The following ADH7 variants were observed in gnomAD, a reference collection of about 807,000 sequenced individuals.
ADH7 encodes the protein all-trans-retinol dehydrogenase [NAD(+)] ADH7.
Under a neutral mutation model 34.4 loss-of-function variants are expected in ADH7, and 41 were observed. The observed-to-expected ratio is 1.19, with a 90% CI of 0.93 to 1.55. The LOEUF is 1.55. Among genes scored for constraint, ADH7 ranks in the 40% most tolerant of loss-of-function variants. The pLI is 0.00. For missense variants in ADH7, 540 were observed against 461.2 expected (o/e 1.17, Z -1.56); for synonymous variants, 180 against 160.9 (o/e 1.12, Z -0.90).
intron 6 of ADH7, 49 bp from the exon 7 acceptor site, chr4:99,419,170 G>A: frequency 6.3e-7 from 1 of 1,587,950 alleles, no homozygotes; most frequent in Non-Finnish European, 8.6e-7. Flanking sequence ...CTCTTACAGT[G>A]TGACATAAGC....
intron 1 of ADH7, among the ~76,000 whole-genome samples, chr4:99,430,652 C>A (rs1721918618): frequency 6.6e-6 from 1 of 152,094 alleles, no homozygotes; most frequent in African/African-American, 2.4e-5. Context: ...GGCTGAAAGC[C>A]ATCAGTAGCT....
At chr4:99,421,969 T>C (rs1268495150) in intron 5 of ADH7, among the ~76,000 whole-genome samples, 1 of 152,210 alleles carries the variant, frequency 6.6e-6, no homozygotes, top group Non-Finnish European at 1.5e-5. Flanking sequence ...CTCATGCCAG[T>C]CAGAATGGCG....
At position 99,412,910 on chromosome 4, in the gene ADH7, T is replaced by G. The variant is rs1213893254; in HGVS notation, c.*238A>C. 2 of 425,970 alleles carry G rather than the reference T, an allele frequency of 4.7e-6. No homozygotes were observed. The highest frequency in any genetic ancestry group is 7.7e-5 in the East Asian group (2 of 26,096). 26.4% of individuals were successfully genotyped at this position (425,970 alleles called of 1,614,324 possible). A position where few individuals can be genotyped will look rare whatever the true frequency, so the allele number is the denominator to read the frequency against. ...TATGTTTTCTTAAAAGATACAATTA[T>G]AGCCTTACAAAATGTAAATCAAAAA... On this transcript the variant is annotated 3_prime_UTR_variant, in exon 9 of 9. Coordinates refer to ENST00000437033, the MANE Select transcript of ADH7 (RefSeq NM_000673.7).
Position 99,435,203 on chromosome 4 carries a change from A to G in ADH7, c.18+13T>C. The G allele has an allele frequency of 1.9e-6, 3 of 1,612,644 alleles. No individual in the cohort carries two copies. The highest frequency in any genetic ancestry group is 2.5e-6 in the Non-Finnish European group (3 of 1,179,428). ...AGGTCATGATGAGGAGGGGACAGAA[A>G]TGTTCCACTTACTTTTCCAGCAGTG... On this transcript the variant is annotated intron_variant, in intron 1 of 8. Transcript: ENST00000437033.
At chr4:99,420,902 T>C in intron 5 of ADH7, 109 bp from the exon 6 acceptor site, 2 of 983,684 alleles carry the variant, frequency 2.0e-6, no homozygotes, top group Non-Finnish European at 3.0e-6. Flanking sequence ...CCATTCACAA[T>C]TGCTACAAAG....
chr4:99,433,183 T>C (rs1031195382), intron 1 of ADH7, among the ~76,000 whole-genome samples: 1 of 152,104 alleles, frequency 6.6e-6, no homozygotes, highest in Non-Finnish European at 1.5e-5. Context: ...GAAAAACCTC[T>C]CTATATAGCA....
intron 1 of ADH7, chr4:99,432,827 C>G (rs931938800): frequency 2.0e-5 from 3 of 152,060 alleles, no homozygotes; most frequent in African/African-American, 7.2e-5. Flanking sequence ...CTGTGCCTAT[C>G]AAGTCTGTAA....
At position 99,420,536 on chromosome 4, in the gene ADH7, G is replaced by A. The variant is rs1292416381; in HGVS notation, c.822C>T (p.Thr274=). 2.7e-5 allele frequency: 43 copies of A among 1,611,926 alleles called. No homozygotes were observed. Among genetic ancestry groups the A allele is most frequent in the Non-Finnish European group, 3.4e-5 (40 of 1,178,416 alleles). The change falls in exon 6 of 9, where the codon ACC becomes ACT. Residue 274 remains threonine (T), a synonymous_variant. Transcript: ENST00000437033. ...CTTCTCAAATTTTGGGTCTTACCATGGTTTCAAGATGCCCAATAACTTCAA... is the reference window on the plus strand; with the variant it reads ...CTTCTCAAATTTTGGGTCTTACCATAGTTTCAAGATGCCCAATAACTTCAA... ...YTFEVIGHLE[T]MIDALASCHM... is the part of the protein sequence containing the mutation.
At chr4:99,431,832 T>C (rs1721942977) in intron 1 of ADH7, among the ~76,000 whole-genome samples, 1 of 151,970 alleles carries the variant, frequency 6.6e-6, no homozygotes, top group African/African-American at 2.4e-5. Flanking sequence ...ACTGGTGAGG[T>C]TGGAGCGAAA....
At chr4:99,434,664 AT>A (rs762895501) in intron 1 of ADH7, among the ~76,000 whole-genome samples, 1 of 152,190 alleles carries the variant, frequency 6.6e-6, no homozygotes, top group Non-Finnish European at 1.5e-5. Flanking sequence ...TTTACCAATA[AT>A]ATAGTCTTGA....
chr4:99,430,586 T>C (rs754272962), intron 1 of ADH7, among the ~76,000 whole-genome samples: 1 of 152,194 alleles, frequency 6.6e-6, no homozygotes, highest in Admixed American at 6.5e-5. Context: ...GATTCTTAAG[T>C]GGCTCTTTTG....
chr4:99,415,690 C>T (rs1721501655), intron 7 of ADH7, 74 bp from the exon 8 acceptor site: 5 of 1,442,842 alleles, frequency 3.5e-6, no homozygotes, highest in Admixed American at 3.7e-5. Context: ...ATATTTATTC[C>T]TTCTCTTTCC....
In ADH7 at chr4:99,413,099, A is replaced by G. The variant is rs764204731; in HGVS notation, c.*49T>C. 2.5e-6 allele frequency: 4 copies of G among 1,604,908 alleles called. No homozygotes were observed. In the East Asian group the frequency reaches 8.9e-5, roughly 36 times the overall value. On this transcript the variant is annotated 3_prime_UTR_variant, in exon 9 of 9. Coordinates refer to ENST00000437033, the MANE Select transcript of ADH7 (RefSeq NM_000673.7). ...TTTCAGATGAGGGAACTCTCACAAGAGAAACTCCAGTTCACCATGACAACA... is the reference window on the plus strand; with the variant it reads ...TTTCAGATGAGGGAACTCTCACAAGGGAAACTCCAGTTCACCATGACAACA...
In ADH7 at chr4:99,419,138, G is replaced by A. The variant is rs1182226486; in HGVS notation, c.826-17C>T. On this transcript the variant is annotated splice_polypyrimidine_tract_variant and intron_variant, in intron 6 of 8. Transcript: ENST00000437033. ...GGCATCAATCTGAGTTTAAAACGGA[G>A]GAGATCGTTTGCTTCCTGTGTCTCT... is the stretch of plus-strand genomic sequence containing the variant. 1.2e-5 allele frequency: 19 copies of A among 1,611,022 alleles called. No homozygotes were observed. The highest frequency in any genetic ancestry group is 1.6e-5 in the Non-Finnish European group (19 of 1,178,494).
At chr4:99,417,412 C>T (rs1032830031) in intron 7 of ADH7, among the ~76,000 whole-genome samples, 1 of 152,096 alleles carries the variant, frequency 6.6e-6, no homozygotes, top group Non-Finnish European at 1.5e-5. Context: ...CTGGAATATT[C>T]TTTCCCAAGA....
rs2110143052 is a variant in ADH7 at position 99,435,339 on chromosome 4, G to A, written c.-106C>T. 8 of 1,500,436 alleles carry A rather than the reference G, an allele frequency of 5.3e-6. No individual in the cohort carries two copies. Among genetic ancestry groups the A allele is most frequent in the Non-Finnish European group, 7.4e-6 (8 of 1,088,000 alleles). 92.9% of individuals were successfully genotyped at this position (1,500,436 alleles called of 1,614,324 possible). A position where few individuals can be genotyped will look rare whatever the true frequency, so the allele number is the denominator to read the frequency against. On this transcript the variant is annotated 5_prime_UTR_variant, in exon 1 of 9. Transcript: ENST00000437033. Reference sequence around the variant, plus strand: ...AGCAGCTTGTGCCTTCACATAGATAGTCTGGCTTCAGAGTTCCACCTTCAG... The same window carrying A: ...AGCAGCTTGTGCCTTCACATAGATAATCTGGCTTCAGAGTTCCACCTTCAG...
chr4:99,428,043 A>T (rs1275030867), intron 4 of ADH7, 44 bp downstream of exon 4: 1 of 1,612,770 alleles, frequency 6.2e-7, no homozygotes, highest in Non-Finnish European at 8.5e-7. Flanking sequence ...AAATTAGCAT[A>T]GGAAAAATGT....
chr4:99,415,711 CT>C, intron 7 of ADH7, 95 bp from the exon 8 acceptor site: 1 of 1,317,862 alleles, frequency 7.6e-7, no homozygotes, highest in Non-Finnish European at 1.0e-6. Flanking sequence ...TGCACTATGA[CT>C]TTCCCTGTGT....
intron 1 of ADH7, chr4:99,434,923 G>T: frequency 9.7e-7 from 1 of 1,026,090 alleles, no homozygotes; most frequent in Non-Finnish European, 1.4e-6. Context: ...TGGAGCAATT[G>T]CCCAGCTATC....
Sources: allele counts gnomAD v4.1 joint callset (sites outside exome capture counted in the v4.1 genomes callset), GRCh38; gene constraint gnomAD v4.1.1; transcripts MANE v1.5; gene names NCBI Gene and HGNC (gene_info 2026-07-23, HGNC 2026-07-21).